The following DLG1 variants were observed in gnomAD, a reference collection of about 807,000 sequenced individuals.
The protein encoded by DLG1 is discs large MAGUK scaffold protein 1, also known as disks large homolog 1.
DLG1 carries 42 observed loss-of-function variants against 123.4 expected under a neutral mutation model. The ratio of observed to expected loss-of-function variants is 0.34; its 90% CI spans 0.27 to 0.44. The LOEUF is 0.44. DLG1 is among the 20% of genes least tolerant of loss of function. The pLI is 1.00. For synonymous variants in DLG1, 317 were observed against 356.2 expected, an observed-to-expected ratio of 0.89 and a Z score of 1.24; for missense variants, 942 against 1,082.6, an observed-to-expected ratio of 0.87 and a Z score of 1.82.
At chr3:197,045,582 A>AC (rs1722409200) in intron 24 of DLG1, among the ~76,000 whole-genome samples, 2 of 151,652 alleles carry the variant, frequency 1.3e-5, no homozygotes, top group South Asian at 4.2e-4. Context: ...GTATTTAAAA[A>AC]AAAAAAAAAA....
At chr3:197,233,315 G>A (rs1744219410) in intron 4 of DLG1, among the ~76,000 whole-genome samples, 1 of 152,174 alleles carries the variant, frequency 6.6e-6, no homozygotes, top group Admixed American at 6.5e-5. Flanking sequence ...CCATATTCAT[G>A]GATTAGAAGA....
intron 4 of DLG1, among the ~76,000 whole-genome samples, chr3:197,212,709 C>G (rs1239084294): frequency 6.6e-6 from 1 of 152,196 alleles, no homozygotes; most frequent in East Asian, 1.9e-4. Flanking sequence ...TTTAATTTGA[C>G]TATCTCTGTA....
chr3:197,215,933 G>C (rs1226137381), intron 4 of DLG1, among the ~76,000 whole-genome samples: 1 of 152,004 alleles, frequency 6.6e-6, no homozygotes, highest in East Asian at 1.9e-4. Flanking sequence ...ATACCTATTA[G>C]TTTGTATCTA....
At chr3:197,281,963 C>T (rs1769576850) in intron 4 of DLG1, among the ~76,000 whole-genome samples, 2 of 152,286 alleles carry the variant, frequency 1.3e-5, no homozygotes, top group African/African-American at 2.4e-5. Context: ...ACAGAAACAT[C>T]GCATTTTCCA....
At chr3:197,268,481 C>G (rs1173960211) in intron 4 of DLG1, among the ~76,000 whole-genome samples, 1 of 151,852 alleles carries the variant, frequency 6.6e-6, no homozygotes, top group East Asian at 1.9e-4. Context: ...ATGCAGTGGA[C>G]TGATCACAGC....
chr3:197,094,871 T>C (rs1759754365), intron 14 of DLG1, among the ~76,000 whole-genome samples: 1 of 152,220 alleles, frequency 6.6e-6, no homozygotes, highest in South Asian at 2.1e-4. Context: ...GGAATTTTCT[T>C]TCTTTTTCTG....
chr3:197,135,087 A>G (rs763761985), intron 10 of DLG1, among the ~76,000 whole-genome samples: 46 of 152,188 alleles, frequency 3.0e-4, no homozygotes, highest in Non-Finnish European at 5.7e-4. Context: ...TCTACCTTCT[A>G]TTGGCTCTCG....
chr3:197,268,599 T>G (rs1762661789), intron 4 of DLG1, among the ~76,000 whole-genome samples: 1 of 151,954 alleles, frequency 6.6e-6, no homozygotes, highest in Non-Finnish European at 1.5e-5. Flanking sequence ...TTTTTTTTTT[T>G]GTAGGGATGG....
intron 5 of DLG1, among the ~76,000 whole-genome samples, chr3:197,177,110 C>T (rs1047211342): frequency 2.0e-5 from 3 of 151,844 alleles, no homozygotes; most frequent in African/African-American, 7.3e-5. Context: ...AAAATAGATC[C>T]TACAATATTT....
At chr3:197,195,862 C>A (rs1397077104) in intron 4 of DLG1, among the ~76,000 whole-genome samples, 2 of 151,738 alleles carry the variant, frequency 1.3e-5, no homozygotes, top group African/African-American at 2.4e-5. Context: ...TACATATGTA[C>A]CCCCTGAACT....
chr3:197,137,206 T>C (rs1785471480), intron 9 of DLG1, among the ~76,000 whole-genome samples: 1 of 152,222 alleles, frequency 6.6e-6, no homozygotes, highest in Middle Eastern at 3.2e-3. Flanking sequence ...CATTCCTTTT[T>C]CATTTGTTGA....
At chr3:197,216,563 G>A (rs1296661797) in intron 4 of DLG1, among the ~76,000 whole-genome samples, 1 of 152,170 alleles carries the variant, frequency 6.6e-6, no homozygotes, top group African/African-American at 2.4e-5. Flanking sequence ...GTGAAATGCT[G>A]TCTACCATGA....
intron 4 of DLG1, among the ~76,000 whole-genome samples, chr3:197,199,352 T>C (rs1724381598): frequency 6.6e-6 from 1 of 152,156 alleles, no homozygotes; most frequent in African/African-American, 2.4e-5. Flanking sequence ...ATATCACAAG[T>C]GAAAAATTCC....
At chr3:197,176,075 AAAG>A (rs796829547) in intron 5 of DLG1, among the ~76,000 whole-genome samples, 58 of 152,320 alleles carry the variant, frequency 3.8e-4, no homozygotes, top group African/African-American at 1.1e-3. Flanking sequence ...CAGAAGCTAC[AAAG>A]AAGAATAAAA....
chr3:197,068,438 G>T, intron 19 of DLG1: 2 of 1,059,058 alleles, frequency 1.9e-6, no homozygotes, highest in South Asian at 3.0e-5. Flanking sequence ...CCAAATGAAT[G>T]ACGGTTAAAA....
intron 4 of DLG1, among the ~76,000 whole-genome samples, chr3:197,218,505 G>T (rs538683231): frequency 6.6e-6 from 1 of 152,174 alleles, no homozygotes; most frequent in Non-Finnish European, 1.5e-5. Context: ...CTCTTGGACC[G>T]TAAGTCCAGG....
At position 197,225,741 on chromosome 3, in the gene DLG1, G is replaced by A. The variant is rs550120517; in HGVS notation, c.319-31152C>T. 3.9e-5 allele frequency: 6 copies of A among 152,724 alleles called. No homozygotes were observed. In the East Asian group the frequency reaches 1.2e-3, roughly 29 times the overall value. 9.5% of individuals were successfully genotyped at this position (152,724 alleles called of 1,614,324 possible). ...CTCATGTCAGACACACAAAGGACAG[G>A]AATCTATTACATGAATTAAAGTCAA... On this transcript the variant is annotated intron_variant, in intron 4 of 24. Transcript: ENST00000667157.
At chr3:197,064,066 T>C (rs1250869418) in intron 22 of DLG1, among the ~76,000 whole-genome samples, 1 of 151,476 alleles carries the variant, frequency 6.6e-6, no homozygotes, top group Non-Finnish European at 1.5e-5. Flanking sequence ...ATTACAGGCA[T>C]GCACCACCAC....
intron 5 of DLG1, among the ~76,000 whole-genome samples, chr3:197,153,176 C>G (rs1794789558): frequency 2.0e-5 from 3 of 152,074 alleles, no homozygotes; most frequent in South Asian, 4.1e-4. Flanking sequence ...ACATTGCATT[C>G]AAAGTTAAAT....
Sources: gnomAD v4.1 joint callset for allele counts (sites outside exome capture counted in the v4.1 genomes callset) on GRCh38, gnomAD v4.1.1 for gene constraint, MANE v1.5 for transcripts, NCBI Gene and HGNC (gene_info 2026-07-23, HGNC 2026-07-21) for gene names.